The following RUFY4 variants were observed in gnomAD, a reference collection of about 807,000 sequenced individuals.
The protein encoded by RUFY4 is RUN and FYVE domain-containing protein 4.
RUFY4 carries 73 observed loss-of-function variants against 69.0 expected under a neutral mutation model. That is an observed-to-expected ratio of 1.06 (90% confidence interval 0.88 to 1.29). The LOEUF is 1.29. Among genes scored for constraint, RUFY4 ranks in the 50% most tolerant of loss-of-function variants. RUFY4 has a pLI of 0.00. For synonymous variants in RUFY4, 287 were observed against 271.8 expected, an observed-to-expected ratio of 1.06 and a Z score of -0.55; for missense variants, 770 against 705.6, an observed-to-expected ratio of 1.09 and a Z score of -1.03.
intron 9 of RUFY4, among the ~76,000 whole-genome samples, chr2:218,087,234 A>T (rs916007026): frequency 3.9e-5 from 6 of 152,130 alleles, no homozygotes; most frequent in African/African-American, 1.4e-4. Context: ...GCTGTCCAGT[A>T]TGGTAGCTGA....
intron 10 of RUFY4, 34 bp from the exon 13 acceptor site, chr2:218,089,918 G>T (rs1689991070): frequency 1.3e-6 from 2 of 1,496,630 alleles, no homozygotes; most frequent in East Asian, 4.9e-5. Context: ...CAGCTGCAGA[G>T]GCCGCCCCAG....
At chr2:218,072,378 A>T (rs1263734748) in exon 3 of RUFY4, 1 of 1,537,196 alleles carries the variant, frequency 6.5e-7, no homozygotes, top group Admixed American at 2.0e-5. Context: ...TTCTAGTTTG[A>T]CCAGAAAGAG....
At chr2:218,052,915 T>C (rs1035619866) in intron 2 of RUFY4, among the ~76,000 whole-genome samples, 4 of 151,998 alleles carry the variant, frequency 2.6e-5, no homozygotes, top group African/African-American at 9.7e-5. Context: ...ATTCAATAAA[T>C]GACTGTTATT....
chr2:218,069,867 C>T (rs933284847), upstream of RUFY4, among the ~76,000 whole-genome samples: 34 of 152,188 alleles, frequency 2.2e-4, 1 homozygote, highest in Non-Finnish European at 4.6e-4. Context: ...CTCTCTGGGC[C>T]CCAGGACCCA....
At chr2:218,054,970 T>C (rs1689028650) in intron 2 of RUFY4, among the ~76,000 whole-genome samples, 1 of 152,246 alleles carries the variant, frequency 6.6e-6, no homozygotes, top group Admixed American at 6.5e-5. Context: ...GAAGATGCAA[T>C]TTAAAATGTT....
At chr2:218,064,004 C>T (rs1689262783) in intron 3 of RUFY4, among the ~76,000 whole-genome samples, 1 of 152,168 alleles carries the variant, frequency 6.6e-6, no homozygotes, top group Admixed American at 6.5e-5. Context: ...TCAGCCACAG[C>T]CCATCAGAGG....
At chr2:218,079,055 G>C (rs1327951398) in intron 8 of RUFY4, among the ~76,000 whole-genome samples, 1 of 152,142 alleles carries the variant, frequency 6.6e-6, no homozygotes, top group Non-Finnish European at 1.5e-5. Flanking sequence ...TTTTAGTAGA[G>C]ATGGGGTTTC....
At chr2:218,077,486 G>A (rs1214635303) in intron 8 of RUFY4, among the ~76,000 whole-genome samples, 1 of 152,176 alleles carries the variant, frequency 6.6e-6, no homozygotes, top group African/African-American at 2.4e-5. Flanking sequence ...TTGCAGGCAT[G>A]AGCCACCACA....
At chr2:218,051,913 C>A (rs1688951676) in intron 2 of RUFY4, among the ~76,000 whole-genome samples, 1 of 152,182 alleles carries the variant, frequency 6.6e-6, no homozygotes, top group African/African-American at 2.4e-5. Flanking sequence ...TTTCAATCAT[C>A]TTCTAAACTA....
rs373953067 is a variant in RUFY4 at position 218,074,199 on chromosome 2, G to A, written c.600+314G>A. Among the ~76,000 whole-genome samples the A allele has an allele frequency of 8.5e-5, 13 of 152,150 alleles. No individual in the cohort carries two copies. The East Asian group carries it at 1.9e-3, about 23-fold the overall frequency. ...TGAAAGCTTCAGGAAACAGATGAGA[G>A]GGACACCCTCTGCTGAGTCCCCTGC... On this transcript the variant is annotated intron_variant, in intron 6 of 10. Coordinates refer to ENST00000344321, the Ensembl canonical transcript of RUFY4.
upstream of RUFY4, chr2:218,070,278 G>T: frequency 2.7e-6 from 1 of 370,026 alleles, no homozygotes. Flanking sequence ...CCAATCCCCT[G>T]TTTCTCCTGG....
chr2:218,035,533 C>T (rs1559417451), intron 2 of RUFY4: 1 of 152,476 alleles, frequency 6.6e-6, no homozygotes, highest in Non-Finnish European at 1.5e-5. Context: ...TTCCCTCTCC[C>T]CTTCCCTCCA....
intron 2 of RUFY4, among the ~76,000 whole-genome samples, chr2:218,051,483 G>GA (rs997605688): frequency 7.0e-6 from 1 of 143,172 alleles, no homozygotes; most frequent in African/African-American, 2.6e-5. Flanking sequence ...TTTTGCAAGA[G>GA]AAAAAATATT....
rs1218878542 is a variant in RUFY4 at position 218,072,362 on chromosome 2, T to C, written c.154-12T>C. On this transcript the variant is annotated splice_polypyrimidine_tract_variant and intron_variant, in intron 2 of 10. Coordinates refer to ENST00000344321, the Ensembl canonical transcript of RUFY4. ...GCATTTCTACACTTTCTTTGCCTCA[T>C]TTTGGTTCTAGTTTGACCAGAAAGA... The C allele has an allele frequency of 5.8e-5, 89 of 1,536,872 alleles. No individual in the cohort carries two copies. Among genetic ancestry groups the C allele is most frequent in the Middle Eastern group, 1.7e-4 (1 of 5,990 alleles).
At chr2:218,055,095 A>G (rs1000603992) in intron 2 of RUFY4, among the ~76,000 whole-genome samples, 1 of 152,210 alleles carries the variant, frequency 6.6e-6, no homozygotes, top group East Asian at 1.9e-4. Context: ...TTAAAAAAAT[A>G]ATAAGAAGAA....
chr2:218,069,829 G>A (rs116932379), upstream of RUFY4, among the ~76,000 whole-genome samples: 37 of 152,220 alleles, frequency 2.4e-4, no homozygotes, highest in East Asian at 6.6e-3. Flanking sequence ...TCAGAATAAG[G>A]CCACCAGCTG....
chr2:218,068,350 C>T (rs1172126627), upstream of RUFY4, among the ~76,000 whole-genome samples: 1 of 151,782 alleles, frequency 6.6e-6, no homozygotes, highest in East Asian at 1.9e-4. Flanking sequence ...AAGAAAGAGA[C>T]CAAGGGTGCA....
chr2:218,046,127 T>C (rs948158460), intron 2 of RUFY4, among the ~76,000 whole-genome samples: 3 of 152,044 alleles, frequency 2.0e-5, no homozygotes, highest in South Asian at 2.1e-4. Context: ...TTGATGTATA[T>C]AATGTATAGT....
intron 9 of RUFY4, among the ~76,000 whole-genome samples, chr2:218,084,223 GT>G (rs1158560209): frequency 6.6e-6 from 1 of 151,766 alleles, no homozygotes; most frequent in Non-Finnish European, 1.5e-5. Context: ...GTTGCTAAGG[GT>G]TTTTTGTTTG....
Sources: gnomAD v4.1 joint callset for allele counts (sites outside exome capture counted in the v4.1 genomes callset) on GRCh38, gnomAD v4.1.1 for gene constraint, MANE v1.5 for transcripts, NCBI Gene and HGNC (gene_info 2026-07-23, HGNC 2026-07-21) for gene names.